Variants in GTPBP2 observed in about 807,000 individuals in gnomAD.
GTPBP2 encodes GTP-binding protein 2.
GTPBP2 carries 32 observed loss-of-function variants against 63.0 expected under a neutral mutation model. The ratio of observed to expected loss-of-function variants is 0.51; its 90% CI spans 0.38 to 0.68. The LOEUF (loss-of-function observed/expected upper bound fraction) is 0.68, where lower values mean the gene tolerates loss of function less well. GTPBP2 is among the 30% of genes least tolerant of loss of function. GTPBP2 has a pLI of 0.00. For synonymous variants in GTPBP2, 310 were observed against 322.6 expected, an observed-to-expected ratio of 0.96 and a Z score of 0.42; for missense variants, 492 against 796.9, an observed-to-expected ratio of 0.62 and a Z score of 4.61.
chr6:43,629,053 C>A lies in GTPBP2; in HGVS notation c.110G>T (p.Gly37Val). 6.2e-7 allele frequency: 1 copy of A among 1,611,316 alleles called. No homozygotes were observed. The highest frequency in any genetic ancestry group is 8.5e-7 in the Non-Finnish European group (1 of 1,178,890). Residue 37 changes from glycine (G) to valine (V), a missense_variant, in exon 1 of 12, where the codon GGG becomes GTG. Physicochemically the swap from Gly to Val is moderately radical, Grantham distance 109. Coordinates refer to ENST00000307126, the MANE Select transcript of GTPBP2 (RefSeq NM_019096.5). ...ARGAGSSSGCGGPKGKKKNGR... is the reference protein window; with the variant it reads ...ARGAGSSSGCVGPKGKKKNGR... ...GTTCTTCTTCTTTCCCTTTGGCCCC[C>A]CGCAGCCGCTGCTGCTGCCGGCCCC... is the stretch of plus-strand genomic sequence containing the variant.
intron 9 of GTPBP2, chr6:43,623,519 G>A (rs928035185): frequency 1.7e-6 from 1 of 584,864 alleles, no homozygotes; most frequent in South Asian, 2.1e-5. Context: ...TCTCTCAGGG[G>A]CCTGGAGATT....
intron 11 of GTPBP2, 47 bp from the exon 12 acceptor site, chr6:43,621,837 A>G: frequency 6.2e-7 from 1 of 1,613,272 alleles, no homozygotes; most frequent in Non-Finnish European, 8.5e-7. Context: ...CTTCTGTCCC[A>G]TTCTCTGCCA....
intron 1 of GTPBP2, 89 bp downstream of exon 1, chr6:43,628,888 G>C (rs1359495006): frequency 7.3e-7 from 1 of 1,378,698 alleles, no homozygotes; most frequent in East Asian, 2.3e-5. Context: ...ACACCGGAAG[G>C]GGAGATTAAT....
chr6:43,628,726 G>T, intron 1 of GTPBP2: 1 of 733,116 alleles, frequency 1.4e-6, no homozygotes, highest in Non-Finnish European at 2.5e-6. Flanking sequence ...TTCTCTCCTG[G>T]GGTAATCTAG....
In GTPBP2 at chr6:43,622,443, T is replaced by C. The variant is rs1454708296; in HGVS notation, c.1467+190A>G. On this transcript the variant is annotated intron_variant, in intron 10 of 11. Transcript: ENST00000307126. The surrounding 1 kb of genome is among the most constrained non-coding windows in gnomAD (Gnocchi z 5.4). The stretch of plus-strand genomic sequence containing the variant: ...ACAGTGTAACATAGTGATTCATATT[T>C]AGTTATCTGTACCTCATGAGTACGT... 1.3e-5 allele frequency among the ~76,000 whole-genome samples: 2 copies of C among 152,204 alleles called. No individual in the cohort carries two copies. Among genetic ancestry groups the C allele is most frequent in the African/African-American group, 4.8e-5 (2 of 41,456 alleles).
chr6:43,625,139 T>C lies in GTPBP2; in HGVS notation c.706-77A>G. On this transcript the variant is annotated intron_variant, in intron 5 of 11. Transcript: ENST00000307126. The surrounding 1 kb of genome is among the most constrained non-coding windows in gnomAD (Gnocchi z 5.1). The stretch of plus-strand genomic sequence containing the variant: ...TTCAGAGTTGCCAGGACCTAAACCA[T>C]TCCCTGGGTGACCCTGCCTCTTAAT... The C allele has an allele frequency of 1.5e-6, 2 of 1,341,900 alleles. No homozygotes were observed. Among genetic ancestry groups the C allele is most frequent in the Non-Finnish European group, 1.0e-6 (1 of 957,632 alleles). The allele number at this position is 1,341,900 out of a possible 1,614,324, so 83.1% of individuals were successfully genotyped here.
rs1769326195 is a variant in GTPBP2 at position 43,626,171 on chromosome 6, G to C, written c.398+55C>G. ...CCTCAGGCCCTAGGTAACTGGGTAT[G>C]CATGGGTCCCCCCAAGTCAGGTAAA... On this transcript the variant is annotated intron_variant, in intron 3 of 11. Coordinates refer to ENST00000307126, the MANE Select transcript of GTPBP2 (RefSeq NM_019096.5). This position sits in a 1 kb window ranked among gnomAD's most constrained non-coding sequence, Gnocchi z 4.0. 1 of 1,524,822 alleles carries C rather than the reference G, an allele frequency of 6.6e-7. No homozygotes were observed. Among genetic ancestry groups the C allele is most frequent in the Non-Finnish European group, 9.0e-7 (1 of 1,106,168 alleles). The allele number at this position is 1,524,822 out of a possible 1,614,324, so 94.5% of individuals were successfully genotyped here.
chr6:43,623,006 T>A, intron 9 of GTPBP2: 1 of 567,344 alleles, frequency 1.8e-6, no homozygotes, highest in Non-Finnish European at 3.1e-6. Context: ...CCAGCAGTGA[T>A]GGTGGACAGA....
rs1769073131 is a variant in GTPBP2 at position 43,624,081 on chromosome 6, G to T, written c.1101-13C>A. 2 of 1,605,840 alleles carry T rather than the reference G, an allele frequency of 1.2e-6. No homozygotes were observed. Reference sequence around the variant, plus strand: ...GATGGGGGTGACACTGTAGAGGGAGGCATGGAATGGACAGATGAAGACAGT... The same window carrying T: ...GATGGGGGTGACACTGTAGAGGGAGTCATGGAATGGACAGATGAAGACAGT... On this transcript the variant is annotated splice_polypyrimidine_tract_variant and intron_variant, in intron 7 of 11. Transcript: ENST00000307126. This position sits in a 1 kb window ranked among gnomAD's most constrained non-coding sequence, Gnocchi z 5.1.
At position 43,620,614 on chromosome 6, in the gene GTPBP2, C is replaced by G. The variant is rs975264523; in HGVS notation, c.*1000G>C. The G allele has an allele frequency of 8.5e-5, 13 of 153,546 alleles. No individual in the cohort carries two copies. Among genetic ancestry groups the G allele is most frequent in the African/African-American group, 2.9e-4 (12 of 41,352 alleles). 9.5% of individuals were successfully genotyped at this position (153,546 alleles called of 1,614,324 possible). A position where few individuals can be genotyped will look rare whatever the true frequency, so the allele number is the denominator to read the frequency against. On this transcript the variant is annotated 3_prime_UTR_variant, in exon 12 of 12. Coordinates refer to ENST00000307126, the MANE Select transcript of GTPBP2 (RefSeq NM_019096.5). ...ACAAATCCCTGAGTCCATGGGAACCCAGGACACTAACAAAGGGAAAGGAGA... is the reference window on the plus strand; with the variant it reads ...ACAAATCCCTGAGTCCATGGGAACCGAGGACACTAACAAAGGGAAAGGAGA...
At position 43,629,235 on chromosome 6, in the gene GTPBP2, A is replaced by G. The variant is rs1324257029; in HGVS notation, c.-73T>C. 3 of 1,021,566 alleles carry G rather than the reference A, an allele frequency of 2.9e-6. No individual in the cohort carries two copies. The highest frequency in any genetic ancestry group is 3.7e-6 in the Non-Finnish European group (3 of 800,206). The allele number at this position is 1,021,566 out of a possible 1,614,324, so 63.3% of individuals were successfully genotyped here. ...CGCCGTCGCCGCCGCCCTTACTGCC[A>G]CTGCCGTGTCCGGCCGGCCTGAGCA... On this transcript the variant is annotated 5_prime_UTR_variant, in exon 1 of 12. Coordinates refer to ENST00000307126, the MANE Select transcript of GTPBP2 (RefSeq NM_019096.5).
At position 43,624,142 on chromosome 6, in the gene GTPBP2, G is replaced by C. The variant is rs1236033939; in HGVS notation, c.1101-74C>G. The C allele has an allele frequency of 4.9e-5, 68 of 1,388,514 alleles. 1 individual carries two copies. The Admixed American group carries it at 1.4e-3, about 29-fold the overall frequency. The allele number at this position is 1,388,514 out of a possible 1,614,324, so 86.0% of individuals were successfully genotyped here. On this transcript the variant is annotated intron_variant, in intron 7 of 11. Transcript: ENST00000307126. This position sits in a 1 kb window ranked among gnomAD's most constrained non-coding sequence, Gnocchi z 5.1. ...GGCAGAGGCCAGAGCCCCATACATG[G>C]AAAGGTGAGCTTTGTTCTGGCTGGG...
At chr6:43,627,046 AG>A in intron 1 of GTPBP2, 98 bp from the exon 2 acceptor site, 1 of 1,128,760 alleles carries the variant, frequency 8.9e-7, no homozygotes, top group Non-Finnish European at 1.3e-6. Flanking sequence ...TTGAGAAAGC[AG>A]GAAGCCCCAC....
Position 43,621,339 on chromosome 6 carries a change from G to A in GTPBP2, c.*275C>T. Reference sequence around the variant, plus strand: ...TGAGTGGATCCAGTCAGCTCCGGCAGACAGGCCACAGGGTTGCCAGGTTTG... The same window carrying A: ...TGAGTGGATCCAGTCAGCTCCGGCAAACAGGCCACAGGGTTGCCAGGTTTG... On this transcript the variant is annotated 3_prime_UTR_variant, in exon 12 of 12. Transcript: ENST00000307126. 1 of 1,225,398 alleles carries A rather than the reference G, an allele frequency of 8.2e-7. No individual in the cohort carries two copies. Among genetic ancestry groups the A allele is most frequent in the Non-Finnish European group, 1.1e-6 (1 of 873,220 alleles). The allele number at this position is 1,225,398 out of a possible 1,614,324, so 75.9% of individuals were successfully genotyped here. A position where few individuals can be genotyped will look rare whatever the true frequency, so the allele number is the denominator to read the frequency against.
In GTPBP2 at chr6:43,624,565, C is replaced by T. The variant is rs1561924087; in HGVS notation, c.1045G>A (p.Val349Ile). The T allele has an allele frequency of 6.2e-7, 1 of 1,614,138 alleles. No homozygotes were observed. Among genetic ancestry groups the T allele is most frequent in the Non-Finnish European group, 8.5e-7 (1 of 1,180,008 alleles). ...QPGCHKVPML[V>I]TSEDDAVTAA... ...GTGACGGCATCATCCTCAGAGGTGA[C>T]CAGCATGGGGACCTTGTGGCAGCCA... The change falls in exon 7 of 12, where the codon GTC becomes ATC. Residue 349 changes from valine to isoleucine, a missense_variant. Transcript: ENST00000307126. The surrounding 1 kb of genome is among the most constrained non-coding windows in gnomAD (Gnocchi z 5.1).
Position 43,621,049 on chromosome 6 carries a change from C to A in GTPBP2, c.*565G>T. 1 of 222,022 alleles carries A rather than the reference C, an allele frequency of 4.5e-6. No individual in the cohort carries two copies. Among genetic ancestry groups the A allele is most frequent in the South Asian group, 6.6e-5 (1 of 15,168 alleles). 13.8% of individuals were successfully genotyped at this position (222,022 alleles called of 1,614,324 possible). On this transcript the variant is annotated 3_prime_UTR_variant, in exon 12 of 12. Transcript: ENST00000307126. ...GGAGATAAAGCTGAGGAAGAGGCCT[C>A]AGGCCTCAGCACAGGGTGGCAACAC...
chr6:43,629,971 C>T (rs1027228872), upstream of GTPBP2, among the ~76,000 whole-genome samples: 12 of 152,214 alleles, frequency 7.9e-5, no homozygotes, highest in African/African-American at 2.7e-4. Context: ...GCTTCCTCCC[C>T]GAAGGCTGCA....
upstream of GTPBP2, among the ~76,000 whole-genome samples, chr6:43,630,908 C>CAAAAAAAAAAAAA (rs753239311): frequency 1.9e-4 from 10 of 53,598 alleles, no homozygotes; most frequent in East Asian, 6.2e-4. Context: ...GACTTCGTCT[C>CAAAAAAAAAAAAA]AAAAAAAAAA....
At position 43,626,224 on chromosome 6, in the gene GTPBP2, A is replaced by G. The variant is rs1769334041; in HGVS notation, c.398+2T>C. The G allele has an allele frequency of 6.2e-7, 1 of 1,613,122 alleles. No homozygotes were observed. The highest frequency in any genetic ancestry group is 8.5e-7 in the Non-Finnish European group (1 of 1,179,430). On this transcript the variant is annotated splice_donor_variant, in intron 3 of 11. Coordinates refer to ENST00000307126, the MANE Select transcript of GTPBP2 (RefSeq NM_019096.5). LOFTEE classifies it high-confidence loss of function. This position sits in a 1 kb window ranked among gnomAD's most constrained non-coding sequence, Gnocchi z 4.0. The stretch of plus-strand genomic sequence containing the variant: ...AGAACTGGTGGGGAAGGGGAAGCAT[A>G]CTTCTCTGCCATCCGGTGCAGGGTC...
Sources: allele counts gnomAD v4.1 joint callset (sites outside exome capture counted in the v4.1 genomes callset), GRCh38; gene constraint gnomAD v4.1.1; non-coding constraint Gnocchi (gnomAD v3.1); transcripts MANE v1.5; gene names NCBI Gene and HGNC (gene_info 2026-07-23, HGNC 2026-07-21).